The following CRIP2 variants were observed in gnomAD, a reference collection of about 807,000 sequenced individuals.
The protein encoded by CRIP2 is cysteine-rich protein 2.
Under a neutral mutation model 31.3 loss-of-function variants are expected in CRIP2, and 31 were observed. The ratio of observed to expected loss-of-function variants is 0.99; its 90% CI spans 0.74 to 1.34. The LOEUF (loss-of-function observed/expected upper bound fraction) is 1.34. Ranked by LOEUF, CRIP2 falls within the 40% of genes most tolerant of loss-of-function variation. The pLI, the probability that CRIP2 is intolerant of heterozygous loss-of-function variation, is 0.00. For missense variants in CRIP2, 389 were observed against 301.6 expected (o/e 1.29, Z -2.15); for synonymous variants, 177 against 127.2 (o/e 1.39, Z -2.63).
At chr14:105,476,749 C>T (rs1176718000) in intron 1 of CRIP2, 3 of 985,526 alleles carry the variant, frequency 3.0e-6, no homozygotes, top group East Asian at 2.3e-4. Context: ...CCTGGTGTGT[C>T]CCAGCTTCCT....
Position 105,479,919 on chromosome 14 carries a change from TC to T in CRIP2, c.*269del, listed in dbSNP as rs1595459543. 1 of 531,134 alleles carries T rather than the reference TC, an allele frequency of 1.9e-6. No individual in the cohort carries two copies. Among genetic ancestry groups the T allele is most frequent in the East Asian group, 3.2e-5 (1 of 31,268 alleles). The allele number at this position is 531,134 out of a possible 1,614,324, so 32.9% of individuals were successfully genotyped here. On this transcript the variant is annotated 3_prime_UTR_variant, in exon 8 of 8. Transcript: ENST00000329146. ...CCCGTGTGACCCTGTCCCAGCATTT[TC>T]CCGCCGACCCTGCGTGTCCCCGTGG...
At chr14:105,473,761 C>T (rs2083880116), upstream of CRIP2, among the ~76,000 whole-genome samples, 1 of 152,222 alleles carries the variant, frequency 6.6e-6, no homozygotes, top group African/African-American at 2.4e-5. Flanking sequence ...TGTGGTGAGG[C>T]GTGGTCAGGC....
chr14:105,479,174 C>T lies in CRIP2; in HGVS notation c.456C>T (p.Arg152=). Residue 152 remains arginine, a synonymous_variant, in exon 6 of 8, where the codon CGC becomes CGT. Coordinates refer to ENST00000329146, the MANE Select transcript of CRIP2 (RefSeq NM_001312.4). ...AGGATTGGCACCGGCCCTGCCTGCG[C>T]TGCGAGCGCTGCGGGAAGACACTGA... ...LGKDWHRPCL[R]CERCGKTLTP... 2 of 1,611,678 alleles carry T rather than the reference C, an allele frequency of 1.2e-6. No homozygotes were observed. The highest frequency in any genetic ancestry group is 1.7e-6 in the Non-Finnish European group (2 of 1,179,490).
chr14:105,476,859 C>G, intron 1 of CRIP2: 2 of 774,794 alleles, frequency 2.6e-6, no homozygotes, highest in Non-Finnish European at 3.1e-6. Context: ...GAGGGTTGTA[C>G]CAGGGCCACG....
At chr14:105,473,003 C>T (rs1348557350), upstream of CRIP2, 2 of 603,024 alleles carry the variant, frequency 3.3e-6, no homozygotes, top group Admixed American at 5.9e-5. Flanking sequence ...CCAGAAGAGC[C>T]CTGTGTTCAG....
Position 105,478,269 on chromosome 14 carries a change from A to G in CRIP2, c.47A>G (p.Glu16Gly). The stretch of plus-strand genomic sequence containing the variant: ...CCCTGCCGCCCCTCCCGCTCAGCCG[A>G]GAAGGTGAGCTCCCTGGGGAAGGAC... ...PKCDKTVYFA[E>G]KVSSLGKDWH... Residue 16 changes from glutamate (E) to glycine (G), a missense_variant, in exon 2 of 8, where the codon GAG becomes GGG. Transcript: ENST00000329146. The surrounding 1 kb of genome is among the most constrained non-coding windows in gnomAD (Gnocchi z 4.9). The G allele has an allele frequency of 6.5e-7, 1 of 1,550,060 alleles. No homozygotes were observed. Among genetic ancestry groups the G allele is most frequent in the Admixed American group, 1.9e-5 (1 of 52,788 alleles).
chr14:105,476,566 CCACCCAG>C, intron 1 of CRIP2: 6 of 985,534 alleles, frequency 6.1e-6, no homozygotes, highest in Non-Finnish European at 7.2e-6. Context: ...GGCCATTGAC[CCACCCAG>C]TGGGTCTGAG....
At chr14:105,473,427 C>T (rs1567058317), upstream of CRIP2, 3 of 1,535,728 alleles carry the variant, frequency 2.0e-6, no homozygotes, top group South Asian at 2.4e-5. Flanking sequence ...ACAGAGAGCC[C>T]AGCCAGGACC....
At chr14:105,475,422 CTG>C (rs111677126) in intron 1 of CRIP2, 7,820 of 153,066 alleles carry the variant, frequency 0.051, 658 homozygotes, top group African/African-American at 0.18. Context: ...GGTTTGGACT[CTG>C]TCGGGATTCA....
chr14:105,479,839 C>T lies in CRIP2; in HGVS notation c.*186C>T, dbSNP rs2084053765. ...CCCCGAGTCTCTGGTGTGTCTGCCCCCTCTGGCATCCTCTGGGCGTCCCAT... is the reference window on the plus strand; with the variant it reads ...CCCCGAGTCTCTGGTGTGTCTGCCCTCTCTGGCATCCTCTGGGCGTCCCAT... On this transcript the variant is annotated 3_prime_UTR_variant, in exon 8 of 8. Coordinates refer to ENST00000329146, the MANE Select transcript of CRIP2 (RefSeq NM_001312.4). The T allele has an allele frequency of 8.0e-6, 5 of 625,844 alleles. No homozygotes were observed. Among genetic ancestry groups the T allele is most frequent in the Non-Finnish European group, 1.4e-5 (5 of 353,518 alleles). The allele number at this position is 625,844 out of a possible 1,614,324, so 38.8% of individuals were successfully genotyped here. A position where few individuals can be genotyped will look rare whatever the true frequency, so the allele number is the denominator to read the frequency against.
rs1414399938 is a variant in CRIP2, at chr14:105,478,114, G to T, written c.44-152G>T. 9.8e-6 allele frequency: 6 copies of T among 613,018 alleles called. No individual in the cohort carries two copies. The highest frequency in any genetic ancestry group is 1.6e-5 in the Non-Finnish European group (6 of 366,036). The allele number at this position is 613,018 out of a possible 1,614,324, so 38.0% of individuals were successfully genotyped here. On this transcript the variant is annotated intron_variant, in intron 1 of 7. Coordinates refer to ENST00000329146, the MANE Select transcript of CRIP2 (RefSeq NM_001312.4). The surrounding 1 kb of genome is among the most constrained non-coding windows in gnomAD (Gnocchi z 4.9). ...GGGCTCCTCCGGGTCTCAGAAGGAG[G>T]GGCAGGGCCCGCCAGGTGGAAGGAA...
chr14:105,475,812 T>A (rs2083920059), intron 1 of CRIP2: 1 of 984,874 alleles, frequency 1.0e-6, no homozygotes. Context: ...GGTGGTAAGG[T>A]CCCTGCCCAC....
Position 105,479,236 on chromosome 14 carries a change from G to C in CRIP2, c.501+17G>C. 1 of 1,602,022 alleles carries C rather than the reference G, an allele frequency of 6.2e-7. No individual in the cohort carries two copies. The highest frequency in any genetic ancestry group is 8.5e-7 in the Non-Finnish European group (1 of 1,175,088). On this transcript the variant is annotated intron_variant, in intron 6 of 7. Transcript: ENST00000329146. The stretch of plus-strand genomic sequence containing the variant: ...CACGCGGAGGTGAGGGGAGTGCAAC[G>C]GGGCTTGGGGGCCGGGCAGGGGCGC...
rs1449008302 is a variant in CRIP2 at position 105,478,523 on chromosome 14, C to T, written c.196+16C>T. On this transcript the variant is annotated intron_variant, in intron 3 of 7. Transcript: ENST00000329146. The surrounding 1 kb of genome is among the most constrained non-coding windows in gnomAD (Gnocchi z 4.9). ...GGACCCAAAGGTGAGCTCCGGCTGC[C>T]CTCGGCCTGCCCTGGGACCTGCTGG... is the stretch of plus-strand genomic sequence containing the variant. 6.9e-6 allele frequency: 11 copies of T among 1,604,968 alleles called. 1 individual carries two copies. The highest frequency in any genetic ancestry group is 3.3e-4 in the Middle Eastern group (2 of 6,064).
In CRIP2 at chr14:105,474,850, G is replaced by T; in HGVS notation, c.-13G>T. On this transcript the variant is annotated 5_prime_UTR_variant, in exon 1 of 8. Transcript: ENST00000329146. The surrounding 1 kb of genome is among the most constrained non-coding windows in gnomAD (Gnocchi z 5.1). Reference sequence around the variant, plus strand: ...AACGGGCGGAGGGCGCGGGCCGACCGGGCGCACCGACCATGGCCTCCAAAT... The same window carrying T: ...AACGGGCGGAGGGCGCGGGCCGACCTGGCGCACCGACCATGGCCTCCAAAT... 6.7e-7 allele frequency: 1 copy of T among 1,483,212 alleles called. No homozygotes were observed. The highest frequency in any genetic ancestry group is 9.0e-7 in the Non-Finnish European group (1 of 1,112,286). The allele number at this position is 1,483,212 out of a possible 1,614,324, so 91.9% of individuals were successfully genotyped here. A position where few individuals can be genotyped will look rare whatever the true frequency, so the allele number is the denominator to read the frequency against.
At chr14:105,476,478 C>T (rs2083934755) in intron 1 of CRIP2, 2 of 985,466 alleles carry the variant, frequency 2.0e-6, no homozygotes, top group Non-Finnish European at 2.4e-6. Flanking sequence ...GCCCATGCAG[C>T]CAGGGTGGGC....
In CRIP2 at chr14:105,479,030, G is replaced by A. The variant is rs781927174; in HGVS notation, c.389G>A (p.Ser130Asn). The change falls in exon 5 of 8, where the codon AGC becomes AAC. Residue 130 changes from serine to asparagine, a missense_variant. Coordinates refer to ENST00000329146, the MANE Select transcript of CRIP2 (RefSeq NM_001312.4). ...TGEPNTCPRCSKKVYFAEKVT... is the reference protein window; with the variant it reads ...TGEPNTCPRCNKKVYFAEKVT... ...GAGCCCAACACGTGCCCGCGCTGCA[G>A]CAAGAAGGTGTACTTCGGTGAGTGC... 12 of 1,582,556 alleles carry A rather than the reference G, an allele frequency of 7.6e-6. No homozygotes were observed.
At chr14:105,474,156 T>G (rs1555435251), upstream of CRIP2, 1 of 153,826 alleles carries the variant, frequency 6.5e-6, no homozygotes, top group Non-Finnish European at 1.4e-5. The surrounding 1 kb of genome is among the most constrained non-coding windows in gnomAD (Gnocchi z 5.1). Context: ...GGCGGCGCCT[T>G]CCTTCCTGAG....
chr14:105,479,707 C>T lies in CRIP2; in HGVS notation c.*54C>T, dbSNP rs1015404855. Reference sequence around the variant, plus strand: ...ACCTGCGCCCCAGACCCTGCAGGGGCCCCCCTGCTTGGCTCTGCTGGGAGA... The same window carrying T: ...ACCTGCGCCCCAGACCCTGCAGGGGTCCCCCTGCTTGGCTCTGCTGGGAGA... On this transcript the variant is annotated 3_prime_UTR_variant, in exon 8 of 8. Transcript: ENST00000329146. 89 of 1,555,958 alleles carry T rather than the reference C, an allele frequency of 5.7e-5. No individual in the cohort carries two copies. The highest frequency in any genetic ancestry group is 1.1e-4 in the African/African-American group (8 of 73,422).
Sources: gnomAD v4.1 joint callset for allele counts (sites outside exome capture counted in the v4.1 genomes callset) on GRCh38, gnomAD v4.1.1 for gene constraint, Gnocchi (gnomAD v3.1) non-coding constraint, MANE v1.5 for transcripts, NCBI Gene and HGNC (gene_info 2026-07-23, HGNC 2026-07-21) for gene names.